The following KLRD1 variants were observed in gnomAD, a reference collection of about 807,000 sequenced individuals.
KLRD1 encodes the protein killer cell lectin like receptor D1.
In KLRD1, 21 loss-of-function variants were observed where a neutral mutation model predicts 22.6. The observed-to-expected ratio is 0.93, with a 90% CI of 0.66 to 1.34. The LOEUF (loss-of-function observed/expected upper bound fraction) is 1.34. Ranked by LOEUF, KLRD1 falls within the 40% of genes most tolerant of loss-of-function variation. The pLI is 0.00. For missense variants in KLRD1, 183 were observed against 208.6 expected, an observed-to-expected ratio of 0.88 and a Z score of 0.76; for synonymous variants, 59 against 71.1, an observed-to-expected ratio of 0.83 and a Z score of 0.85.
At chr12:10,279,417 T>A (rs1228467030) in intron 1 of KLRD1, among the ~76,000 whole-genome samples, 2 of 152,180 alleles carry the variant, frequency 1.3e-5, no homozygotes, top group Non-Finnish European at 1.5e-5. Flanking sequence ...GCTTCCTGTT[T>A]CTCTAGTATA....
At chr12:10,277,957 T>C (rs1269988970) in intron 1 of KLRD1, among the ~76,000 whole-genome samples, 1 of 152,212 alleles carries the variant, frequency 6.6e-6, no homozygotes, top group East Asian at 1.9e-4. Flanking sequence ...CTGTGCACTA[T>C]TTGATCTCTA....
At chr12:10,277,316 A>T (rs1949601457) in intron 1 of KLRD1, among the ~76,000 whole-genome samples, 1 of 152,212 alleles carries the variant, frequency 6.6e-6, no homozygotes, top group Non-Finnish European at 1.5e-5. Flanking sequence ...GCAAGGAGGA[A>T]GCGGAAAAGG....
At chr12:10,270,110 A>G (rs1434863102) in intron 1 of KLRD1, among the ~76,000 whole-genome samples, 1 of 152,216 alleles carries the variant, frequency 6.6e-6, no homozygotes, top group Non-Finnish European at 1.5e-5. Flanking sequence ...AATAAAATAT[A>G]GAATACTGGT....
At chr12:10,254,811 T>TGA (rs1361084649) in intron 1 of KLRD1, among the ~76,000 whole-genome samples, 1 of 150,760 alleles carries the variant, frequency 6.6e-6, no homozygotes, top group Non-Finnish European at 1.5e-5. Context: ...GAGAATCACT[T>TGA]GAACCCAGGA....
At chr12:10,261,427 A>T (rs927225449) in intron 1 of KLRD1, among the ~76,000 whole-genome samples, 1 of 152,228 alleles carries the variant, frequency 6.6e-6, no homozygotes, top group Admixed American at 6.5e-5. Context: ...GCTAGGATCT[A>T]CTGCGGGAAA....
At chr12:10,254,380 C>T (rs866643740) in intron 1 of KLRD1, among the ~76,000 whole-genome samples, 1 of 134,904 alleles carries the variant, frequency 7.4e-6, no homozygotes, top group Non-Finnish European at 1.5e-5. Context: ...TGCAGTGAGC[C>T]GAGATCGCGC....
intron 1 of KLRD1, among the ~76,000 whole-genome samples, chr12:10,242,993 C>T (rs182739769): frequency 2.0e-5 from 3 of 152,052 alleles, no homozygotes; most frequent in African/African-American, 7.2e-5. Context: ...ATGGATGAAT[C>T]TGGGGGGCAT....
At chr12:10,269,741 T>A (rs1263598308) in intron 1 of KLRD1, among the ~76,000 whole-genome samples, 1 of 152,176 alleles carries the variant, frequency 6.6e-6, no homozygotes, top group African/African-American at 2.4e-5. Flanking sequence ...TTTTCTTTTT[T>A]TAATGAATCA....
chr12:10,283,146 G>A (rs374290373), intron 1 of KLRD1, among the ~76,000 whole-genome samples: 107 of 152,316 alleles, frequency 7.0e-4, no homozygotes, highest in Middle Eastern at 3.4e-3. Flanking sequence ...ACAGAAAGCT[G>A]GTACTATTCC....
intron 1 of KLRD1, among the ~76,000 whole-genome samples, chr12:10,241,995 G>A (rs915164317): frequency 2.7e-5 from 4 of 149,980 alleles, no homozygotes; most frequent in Admixed American, 6.7e-5. Context: ...TAGGTCATTC[G>A]ATTCCTCTTG....
intron 1 of KLRD1, among the ~76,000 whole-genome samples, chr12:10,252,710 G>A (rs1327075372): frequency 6.6e-6 from 1 of 152,120 alleles, no homozygotes; most frequent in Non-Finnish European, 1.5e-5. Flanking sequence ...ATATGAACAT[G>A]AAGACTTCAT....
chr12:10,287,798 A>G (rs1187430157), intron 1 of KLRD1, among the ~76,000 whole-genome samples: 1 of 151,764 alleles, frequency 6.6e-6, no homozygotes, highest in Non-Finnish European at 1.5e-5. Flanking sequence ...GGCCAGGCGC[A>G]GTGGCTCATG....
At chr12:10,303,865 A>G (rs1949887727), upstream of KLRD1, among the ~76,000 whole-genome samples, 1 of 152,178 alleles carries the variant, frequency 6.6e-6, no homozygotes, top group Non-Finnish European at 1.5e-5. Flanking sequence ...TAGGGGGAAA[A>G]GAAGTCCCAA....
At position 10,325,599 on chromosome 12, in the gene KLRD1, C is replaced by T. The variant is rs913434448; in HGVS notation, c.*10806C>T. 3.9e-5 allele frequency: 6 copies of T among 152,164 alleles called. No homozygotes were observed. The highest frequency in any genetic ancestry group is 7.2e-5 in the African/African-American group (3 of 41,436). 9.4% of individuals were successfully genotyped at this position (152,164 alleles called of 1,614,324 possible). A position where few individuals can be genotyped will look rare whatever the true frequency, so the allele number is the denominator to read the frequency against. On this transcript the variant is annotated 3_prime_UTR_variant, in exon 6 of 6. Coordinates refer to ENST00000336164, the MANE Select transcript of KLRD1 (RefSeq NM_002262.5). Reference sequence around the variant, plus strand: ...AAGCTTGACCACTTTAGATATTTCACGTAAGTGGAATCATATAGTATTTAT... The same window carrying T: ...AAGCTTGACCACTTTAGATATTTCATGTAAGTGGAATCATATAGTATTTAT...
intron 1 of KLRD1, among the ~76,000 whole-genome samples, chr12:10,263,790 C>T (rs187301471): frequency 3.8e-4 from 58 of 152,110 alleles, no homozygotes; most frequent in African/African-American, 1.3e-3. Context: ...GTCGTTCCCT[C>T]GCCAGACCCA....
At chr12:10,294,358 T>G (rs1031996978) in intron 1 of KLRD1, among the ~76,000 whole-genome samples, 1 of 151,012 alleles carries the variant, frequency 6.6e-6, no homozygotes, top group Non-Finnish European at 1.5e-5. Context: ...CCTAGAAGTT[T>G]AGTACCTCAA....
At chr12:10,294,681 G>A (rs2617129) in intron 1 of KLRD1, among the ~76,000 whole-genome samples, 148,793 of 152,186 alleles carry the variant, frequency 0.98, 72,821 homozygotes, top group East Asian at 1. Flanking sequence ...GATTATAGGT[G>A]TGAGCCACTG....
upstream of KLRD1, among the ~76,000 whole-genome samples, chr12:10,302,067 A>C (rs1244052326): frequency 6.6e-6 from 1 of 152,192 alleles, no homozygotes; most frequent in African/African-American, 2.4e-5. Context: ...TGACATCAAC[A>C]GGCACTGATC....
chr12:10,280,087 C>T (rs917535335), intron 1 of KLRD1, among the ~76,000 whole-genome samples: 2 of 152,218 alleles, frequency 1.3e-5, no homozygotes, highest in Non-Finnish European at 1.5e-5. Flanking sequence ...TACCAACAAT[C>T]GTTACAATAA....
Sources: allele counts gnomAD v4.1 joint callset (sites outside exome capture counted in the v4.1 genomes callset), GRCh38; gene constraint gnomAD v4.1.1; transcripts MANE v1.5; gene names NCBI Gene and HGNC (gene_info 2026-07-23, HGNC 2026-07-21).